Variants in PRDM5 observed in about 807,000 individuals in gnomAD.
PRDM5 encodes PR domain zinc finger protein 5.
PRDM5 carries 56 observed loss-of-function variants against 81.2 expected under a neutral mutation model. The observed-to-expected ratio is 0.69, with a 90% CI of 0.56 to 0.86. The LOEUF (loss-of-function observed/expected upper bound fraction) is 0.86. Among genes scored for constraint, PRDM5 ranks in the 40% least tolerant of loss-of-function variants. The probability of loss-of-function intolerance (pLI) is 0.00; values close to 1 mark genes in which losing one functional copy is unlikely to be tolerated. For missense variants in PRDM5, 697 were observed against 770.1 expected (o/e 0.91, Z 1.12); for synonymous variants, 267 against 256.4 (o/e 1.04, Z -0.39).
At chr4:120,809,721 T>C (rs922055518) in intron 8 of PRDM5, among the ~76,000 whole-genome samples, 11 of 152,194 alleles carry the variant, frequency 7.2e-5, no homozygotes, top group Non-Finnish European at 1.6e-4. Flanking sequence ...CTAACTCTAT[T>C]AGACATTAGA....
At chr4:120,864,266 T>C (rs1278332580) in intron 2 of PRDM5, among the ~76,000 whole-genome samples, 1 of 152,218 alleles carries the variant, frequency 6.6e-6, no homozygotes, top group Non-Finnish European at 1.5e-5. Flanking sequence ...TTAATCTACA[T>C]CTTAGGAGCT....
intron 8 of PRDM5, among the ~76,000 whole-genome samples, chr4:120,806,904 G>A (rs890596833): frequency 5.9e-5 from 9 of 152,204 alleles, no homozygotes; most frequent in Admixed American, 3.3e-4. Flanking sequence ...CCATCAGAGC[G>A]AACAGGCAAC....
At chr4:120,865,818 C>T (rs1194026359) in intron 2 of PRDM5, among the ~76,000 whole-genome samples, 1 of 152,160 alleles carries the variant, frequency 6.6e-6, no homozygotes, top group Non-Finnish European at 1.5e-5. Context: ...CCTGGTCTTG[C>T]TTCTAATTCT....
At chr4:120,721,269 T>C (rs992689304) in intron 14 of PRDM5, among the ~76,000 whole-genome samples, 4 of 152,188 alleles carry the variant, frequency 2.6e-5, no homozygotes, top group Admixed American at 6.5e-5. Flanking sequence ...TCTAGTCCAG[T>C]GGACTTCAAC....
intron 2 of PRDM5, among the ~76,000 whole-genome samples, chr4:120,878,915 G>A (rs977427170): frequency 6.6e-6 from 1 of 152,182 alleles, no homozygotes; most frequent in African/African-American, 2.4e-5. Flanking sequence ...TGGGGCAACA[G>A]GAACTCTCAT....
intron 2 of PRDM5, among the ~76,000 whole-genome samples, chr4:120,874,606 C>A (rs763647300): frequency 3.9e-5 from 6 of 152,170 alleles, no homozygotes; most frequent in Admixed American, 6.5e-5. Flanking sequence ...CAATTTAAAT[C>A]AAAGCCAGTA....
chr4:120,882,273 G>A (rs1018141313), intron 2 of PRDM5, among the ~76,000 whole-genome samples: 5 of 152,138 alleles, frequency 3.3e-5, no homozygotes, highest in African/African-American at 7.2e-5. Flanking sequence ...TCAGCTTCCC[G>A]AGTAGATGGG....
At chr4:120,738,718 C>A (rs542742106) in intron 14 of PRDM5, among the ~76,000 whole-genome samples, 1 of 152,224 alleles carries the variant, frequency 6.6e-6, no homozygotes, top group East Asian at 1.9e-4. Flanking sequence ...TAAGTGCTCA[C>A]TTTAGAGCTC....
intron 15 of PRDM5, 44 bp from the exon 16 acceptor site, chr4:120,695,319 A>C (rs1225184687): frequency 6.2e-7 from 1 of 1,600,348 alleles, no homozygotes; most frequent in East Asian, 2.3e-5. Flanking sequence ...TGAAATAAAC[A>C]AAATTTATAA....
At position 120,903,712 on chromosome 4, in the gene PRDM5, C is replaced by T. The variant is rs145948825; in HGVS notation, c.177+3762G>A. ...GCTGGAGATAATTAAATCATTGGGG[C>T]AGTTTACCCAATACTGTTCTCGTGG... On this transcript the variant is annotated intron_variant, in intron 2 of 15. Coordinates refer to ENST00000264808, the MANE Select transcript of PRDM5 (RefSeq NM_018699.4). Among the ~76,000 whole-genome samples, 31 of 152,222 alleles carry T rather than the reference C, an allele frequency of 2.0e-4. 1 individual carries two copies. Among genetic ancestry groups the T allele is most frequent in the Non-Finnish European group, 3.7e-4 (25 of 68,024 alleles).
intron 2 of PRDM5, chr4:120,885,413 C>T (rs756587254): frequency 5.3e-5 from 8 of 152,128 alleles, no homozygotes; most frequent in Non-Finnish European, 1.2e-4. Flanking sequence ...TACTGAACTT[C>T]CTCTTATTTG....
At chr4:120,874,643 GA>G (rs1358230664) in intron 2 of PRDM5, among the ~76,000 whole-genome samples, 1 of 152,152 alleles carries the variant, frequency 6.6e-6, no homozygotes, top group Non-Finnish European at 1.5e-5. Flanking sequence ...ACATAAACAT[GA>G]CATTGAAATC....
intron 14 of PRDM5, among the ~76,000 whole-genome samples, chr4:120,720,564 C>T (rs1184543128): frequency 5.9e-5 from 9 of 152,164 alleles, no homozygotes; most frequent in African/African-American, 1.4e-4. Context: ...TCTAACAGTT[C>T]CTCTTAATGG....
chr4:120,803,622 G>C (rs1266235397), intron 8 of PRDM5, among the ~76,000 whole-genome samples: 1 of 152,130 alleles, frequency 6.6e-6, no homozygotes, highest in African/African-American at 2.4e-5. Flanking sequence ...ATAGGTGAAG[G>C]AGAAATAAAA....
intron 1 of PRDM5, among the ~76,000 whole-genome samples, chr4:120,914,998 C>T (rs1295817794): frequency 6.6e-6 from 1 of 152,172 alleles, no homozygotes; most frequent in East Asian, 1.9e-4. Context: ...ACTGGACACT[C>T]GGAAGAGACA....
At chr4:120,872,177 T>A (rs3114953) in intron 2 of PRDM5, among the ~76,000 whole-genome samples, 99,956 of 131,710 alleles carry the variant, frequency 0.76, 38,072 homozygotes, top group East Asian at 0.87. Flanking sequence ...AAAAAAAACC[T>A]GTACAGAGGT....
intron 15 of PRDM5, among the ~76,000 whole-genome samples, chr4:120,707,446 G>A: frequency 6.6e-6 from 1 of 151,350 alleles, no homozygotes. Flanking sequence ...ACAAAATAAA[G>A]GGCATTTATG....
At position 120,811,367 on chromosome 4, in the gene PRDM5, G is replaced by C. The variant is rs1353801484; in HGVS notation, c.945+3C>G. 2 of 1,569,374 alleles carry C rather than the reference G, an allele frequency of 1.3e-6. No homozygotes were observed. The highest frequency in any genetic ancestry group is 1.7e-6 in the Non-Finnish European group (2 of 1,143,316). On this transcript the variant is annotated splice_donor_region_variant and intron_variant, in intron 8 of 15. Coordinates refer to ENST00000264808, the MANE Select transcript of PRDM5 (RefSeq NM_018699.4). The stretch of plus-strand genomic sequence containing the variant: ...AACTGTGATGAATTTTTATCTTACT[G>C]ACCTTTCTATGTTCCTGTAGGCTTG...
intron 14 of PRDM5, among the ~76,000 whole-genome samples, chr4:120,711,464 ATTTTT>A (rs5861485): frequency 1.5e-5 from 2 of 134,364 alleles, no homozygotes; most frequent in Non-Finnish European, 1.6e-5. Context: ...ATACCCAGCT[ATTTTT>A]TTTTTTTTTT....
Sources: gnomAD v4.1 joint callset for allele counts (sites outside exome capture counted in the v4.1 genomes callset) on GRCh38, gnomAD v4.1.1 for gene constraint, MANE v1.5 for transcripts, NCBI Gene and HGNC (gene_info 2026-07-23, HGNC 2026-07-21) for gene names.